Variants in SPOCK3 observed in about 807,000 individuals in gnomAD.
SPOCK3 encodes the protein testican-3.
A neutral mutation model predicts 56.6 loss-of-function variants in SPOCK3; 30 were observed. The observed-to-expected ratio is 0.53, with a 90% CI of 0.40 to 0.72. The LOEUF (loss-of-function observed/expected upper bound fraction) is 0.72. SPOCK3 is among the 30% of genes least tolerant of loss of function. The pLI is 0.00. For synonymous variants in SPOCK3, 196 were observed against 183.3 expected (o/e 1.07, Z -0.56); for missense variants, 527 against 530.0 (o/e 0.99, Z 0.06).
intron 8 of SPOCK3, among the ~76,000 whole-genome samples, chr4:166,753,377 T>A (rs1736669276): frequency 6.6e-6 from 1 of 152,000 alleles, no homozygotes; most frequent in African/African-American, 2.4e-5. Flanking sequence ...AGCACATATG[T>A]AATGTAGCCA....
intron 5 of SPOCK3, among the ~76,000 whole-genome samples, chr4:166,909,523 T>TAA (rs554759153): frequency 6.6e-6 from 1 of 151,038 alleles, no homozygotes; most frequent in African/African-American, 2.4e-5. Flanking sequence ...TTTGTAGTAT[T>TAA]AAAAAAAAAC....
chr4:166,786,404 A>G (rs1740732550), intron 7 of SPOCK3, among the ~76,000 whole-genome samples: 1 of 152,136 alleles, frequency 6.6e-6, no homozygotes, highest in Non-Finnish European at 1.5e-5. Context: ...GAAGTTAGAG[A>G]GTATGCTACC....
intron 4 of SPOCK3, among the ~76,000 whole-genome samples, chr4:166,991,881 G>A (rs1039765935): frequency 7.9e-5 from 12 of 152,024 alleles, no homozygotes; most frequent in Non-Finnish European, 1.0e-4. Context: ...CAACAACTAC[G>A]AATTTATGGC....
At chr4:167,162,151 C>T (rs1765377027) in intron 2 of SPOCK3, among the ~76,000 whole-genome samples, 1 of 152,054 alleles carries the variant, frequency 6.6e-6, no homozygotes, top group South Asian at 2.1e-4. Context: ...TCACACTTCT[C>T]CCTGACTAAC....
intron 3 of SPOCK3, among the ~76,000 whole-genome samples, chr4:167,026,121 T>C (rs1310320084): frequency 2.6e-5 from 4 of 152,132 alleles, no homozygotes; most frequent in Admixed American, 6.6e-5. Context: ...CCATCCTATA[T>C]GTGGTCTGTT....
intron 4 of SPOCK3, 116 bp downstream of exon 4, chr4:167,000,233 G>A (rs1024361186): frequency 1.2e-5 from 6 of 501,384 alleles, no homozygotes; most frequent in African/African-American, 4.0e-5. Context: ...TTCTGTAACT[G>A]TTTCAATAAA....
At chr4:167,085,009 T>G (rs1758058967) in intron 2 of SPOCK3, among the ~76,000 whole-genome samples, 1 of 151,734 alleles carries the variant, frequency 6.6e-6, no homozygotes, top group Non-Finnish European at 1.5e-5. Context: ...GGATCCAGGG[T>G]GATGGGTTCA....
At chr4:166,766,942 T>C (rs974034773) in intron 7 of SPOCK3, among the ~76,000 whole-genome samples, 9 of 151,764 alleles carry the variant, frequency 5.9e-5, no homozygotes, top group African/African-American at 1.7e-4. Context: ...GAGGAATTTA[T>C]CCATTTCTTC....
chr4:166,878,241 T>G (rs944875268), intron 6 of SPOCK3, among the ~76,000 whole-genome samples: 1 of 152,184 alleles, frequency 6.6e-6, no homozygotes, highest in African/African-American at 2.4e-5. Flanking sequence ...ATCACGCCAC[T>G]GCAATCCACC....
At chr4:166,998,964 T>C (rs545597652) in intron 4 of SPOCK3, among the ~76,000 whole-genome samples, 3 of 152,200 alleles carry the variant, frequency 2.0e-5, no homozygotes, top group Admixed American at 6.5e-5. Flanking sequence ...AGGAAATAAA[T>C]AGAAAAATGA....
At chr4:166,735,134 A>G (rs1309911145) in intron 10 of SPOCK3, 44 bp from the exon 11 acceptor site, 12 of 1,141,458 alleles carry the variant, frequency 1.1e-5, no homozygotes, top group Non-Finnish European at 1.5e-5. Flanking sequence ...TTGACTGAAT[A>G]CTGTCAATTT....
chr4:167,069,468 A>G (rs532477650), intron 2 of SPOCK3, among the ~76,000 whole-genome samples: 1 of 152,118 alleles, frequency 6.6e-6, no homozygotes, highest in Admixed American at 6.6e-5. Context: ...ACATGATATC[A>G]TAAGATAAAA....
At chr4:167,056,627 T>A (rs1754902217) in intron 3 of SPOCK3, among the ~76,000 whole-genome samples, 2 of 152,058 alleles carry the variant, frequency 1.3e-5, no homozygotes, top group Non-Finnish European at 2.9e-5. Context: ...GCTCGAGAAC[T>A]ACGTGAAGAA....
At chr4:167,022,011 A>G (rs1197515848) in intron 3 of SPOCK3, among the ~76,000 whole-genome samples, 1 of 151,992 alleles carries the variant, frequency 6.6e-6, no homozygotes, top group Non-Finnish European at 1.5e-5. Context: ...TAGAAGATAA[A>G]CCCTGCAAAA....
chr4:167,139,748 C>T (rs939008464), intron 2 of SPOCK3, among the ~76,000 whole-genome samples: 2 of 151,886 alleles, frequency 1.3e-5, no homozygotes, highest in Non-Finnish European at 2.9e-5. Flanking sequence ...CATTTCCATT[C>T]AAGGTAAAAA....
intron 2 of SPOCK3, among the ~76,000 whole-genome samples, chr4:167,160,846 G>T (rs1765235889): frequency 1.3e-5 from 2 of 152,100 alleles, no homozygotes; most frequent in Admixed American, 1.3e-4. Flanking sequence ...TATGTAGAAA[G>T]CTGAAACTGC....
intron 6 of SPOCK3, among the ~76,000 whole-genome samples, chr4:166,847,249 G>A (rs1748150886): frequency 6.6e-6 from 1 of 152,030 alleles, no homozygotes; most frequent in Non-Finnish European, 1.5e-5. Context: ...CCATTTGGGA[G>A]GAGCTAAGCA....
intron 2 of SPOCK3, among the ~76,000 whole-genome samples, chr4:167,207,491 A>G (rs1276372960): frequency 1.3e-5 from 2 of 152,126 alleles, no homozygotes; most frequent in Non-Finnish European, 2.9e-5. Flanking sequence ...AAATCACTAT[A>G]GCTTTATATT....
intron 2 of SPOCK3, among the ~76,000 whole-genome samples, chr4:167,123,459 T>A (rs1762024352): frequency 6.6e-6 from 1 of 152,098 alleles, no homozygotes; most frequent in African/African-American, 2.4e-5. Flanking sequence ...AATATACTGG[T>A]AGTTGTGCTA....
Sources: gnomAD v4.1 joint callset for allele counts (sites outside exome capture counted in the v4.1 genomes callset) on GRCh38, gnomAD v4.1.1 for gene constraint, MANE v1.5 for transcripts, NCBI Gene and HGNC (gene_info 2026-07-23, HGNC 2026-07-21) for gene names.